The following WWOX variants were observed in gnomAD, a reference collection of about 807,000 sequenced individuals.
WWOX encodes WW domain containing oxidoreductase.
A neutral mutation model predicts 46.2 loss-of-function variants in WWOX; 69 were observed. The ratio of observed to expected loss-of-function variants is 1.49; its 90% confidence interval spans 1.23 to 1.82. The LOEUF (loss-of-function observed/expected upper bound fraction) is 1.82, where lower values mean the gene tolerates loss of function less well. WWOX is among the 40% of genes most tolerant of loss of function. The pLI is 0.00. For missense variants in WWOX, 919 were observed against 542.6 expected, an observed-to-expected ratio of 1.69 and a Z score of -6.89; for synonymous variants, 359 against 202.6, an observed-to-expected ratio of 1.77 and a Z score of -6.56.
At chr16:78,659,957 CAA>C (rs1033965239) in intron 8 of WWOX, among the ~76,000 whole-genome samples, 3 of 151,622 alleles carry the variant, frequency 2.0e-5, no homozygotes, top group African/African-American at 7.3e-5. Context: ...TTAGTGCATG[CAA>C]AAAAAAGCCC....
At chr16:79,053,995 A>G (rs538081722) in intron 8 of WWOX, among the ~76,000 whole-genome samples, 22 of 40,182 alleles carry the variant, frequency 5.5e-4, no homozygotes, top group African/African-American at 1.3e-3. Flanking sequence ...GGAGAGAGGG[A>G]AAAAAAAAAT....
At chr16:78,438,026 C>G (rs937746949) in intron 8 of WWOX, among the ~76,000 whole-genome samples, 1 of 152,092 alleles carries the variant, frequency 6.6e-6, no homozygotes, top group Admixed American at 6.6e-5. Context: ...ATCTGGTGCA[C>G]ATAAGGGATT....
At chr16:78,598,111 T>C (rs988117026) in intron 8 of WWOX, among the ~76,000 whole-genome samples, 2 of 152,196 alleles carry the variant, frequency 1.3e-5, no homozygotes, top group Non-Finnish European at 2.9e-5. Flanking sequence ...CAAAGACCAA[T>C]GTTTAGGGAA....
intron 5 of WWOX, among the ~76,000 whole-genome samples, chr16:78,175,085 G>A (rs1356713022): frequency 6.6e-6 from 1 of 151,900 alleles, no homozygotes; most frequent in African/African-American, 2.4e-5. Flanking sequence ...GGAGCAGGGG[G>A]CCCCTTCCAT....
rs117819767 is a variant in WWOX, at chr16:78,203,290, G to A, written c.516+39001G>A. On this transcript the variant is annotated intron_variant, in intron 5 of 8. Transcript: ENST00000566780. ...ATGGTTTGGGGGGCCCCAAGTAGAT[G>A]ACTGGGGAAGATGACTGGGAAACTG... Among the ~76,000 whole-genome samples the A allele has an allele frequency of 5.8e-3, 883 of 152,236 alleles. 24 individuals carry two copies. Among genetic ancestry groups the A allele is most frequent in the Admixed American group, 0.043 (659 of 15,302 alleles).
rs201516554 is a variant in WWOX, at chr16:78,659,091, CA to C, written c.1056+226348del. ...TGGGCAATAGAGTGAGAATCCGTCTCAAAAAAAAACAAACAAACAAACAAAA... is the reference window on the plus strand; with the variant it reads ...TGGGCAATAGAGTGAGAATCCGTCTCAAAAAAAACAAACAAACAAACAAAA... On this transcript the variant is annotated intron_variant, in intron 8 of 8. Transcript: ENST00000566780. 4.3e-5 allele frequency among the ~76,000 whole-genome samples: 6 copies of C among 138,866 alleles called. No homozygotes were observed. In the Admixed American group the frequency reaches 4.4e-4, roughly 10 times the overall value. 91.1% of individuals were successfully genotyped at this position (138,866 alleles called of 152,430 possible).
chr16:78,944,487 G>T (rs139506189), intron 8 of WWOX, among the ~76,000 whole-genome samples: 1 of 152,188 alleles, frequency 6.6e-6, no homozygotes, highest in South Asian at 2.1e-4. Flanking sequence ...GACAAAAACT[G>T]GTCCTCAAGA....
chr16:78,879,361 G>A (rs1281334820), intron 8 of WWOX, among the ~76,000 whole-genome samples: 1 of 152,178 alleles, frequency 6.6e-6, no homozygotes, highest in Non-Finnish European at 1.5e-5. Context: ...GATGGTGTTT[G>A]CTGTTGTTTC....
intron 8 of WWOX, among the ~76,000 whole-genome samples, chr16:78,922,884 C>T (rs1372849292): frequency 6.6e-6 from 1 of 152,090 alleles, no homozygotes; most frequent in East Asian, 1.9e-4. Flanking sequence ...ATTAATCATA[C>T]TAAAAATAAG....
At chr16:78,614,143 A>C (rs923676996) in intron 8 of WWOX, among the ~76,000 whole-genome samples, 11 of 152,234 alleles carry the variant, frequency 7.2e-5, no homozygotes, top group Admixed American at 3.9e-4. Flanking sequence ...AGAATGAATG[A>C]ATATTCACAC....
intron 8 of WWOX, among the ~76,000 whole-genome samples, chr16:79,005,643 C>G (rs554071633): frequency 2.9e-4 from 44 of 152,268 alleles, no homozygotes; most frequent in African/African-American, 1.1e-3. Context: ...TCTTCCTTGT[C>G]CATGTCTCTC....
At chr16:79,075,709 C>T (rs2048643136) in intron 8 of WWOX, among the ~76,000 whole-genome samples, 1 of 152,180 alleles carries the variant, frequency 6.6e-6, no homozygotes, top group African/African-American at 2.4e-5. Flanking sequence ...TACATCACCA[C>T]ACCTGGCTAC....
chr16:78,830,682 G>A (rs1014020245), intron 8 of WWOX, among the ~76,000 whole-genome samples: 1 of 151,840 alleles, frequency 6.6e-6, no homozygotes, highest in African/African-American at 2.4e-5. Flanking sequence ...GGGGCTGACA[G>A]GTACGGCCGT....
At chr16:78,152,416 G>A (rs1261108332) in intron 4 of WWOX, among the ~76,000 whole-genome samples, 1 of 152,134 alleles carries the variant, frequency 6.6e-6, no homozygotes, top group Non-Finnish European at 1.5e-5. Flanking sequence ...TAAATTTCTG[G>A]TTGTGGCTGG....
Position 78,659,615 on chromosome 16 carries a change from A to G in WWOX, c.1056+226863A>G, listed in dbSNP as rs115977757. Among the ~76,000 whole-genome samples, 1,078 of 152,256 alleles carry G rather than the reference A, an allele frequency of 7.1e-3. 11 individuals carry two copies. The highest frequency in any genetic ancestry group is 0.025 in the African/African-American group (1,036 of 41,554). ...CCAAAGTGCACTTGCTTTGCAAAGC[A>G]CTGTACTACTCATCTCTGCCTCCAT... On this transcript the variant is annotated intron_variant, in intron 8 of 8. Transcript: ENST00000566780.
chr16:78,503,743 C>T (rs998505362), intron 8 of WWOX: 2 of 152,174 alleles, frequency 1.3e-5, no homozygotes, highest in African/African-American at 4.8e-5. Context: ...TATCAGTTTA[C>T]CCAGAAACTA....
intron 8 of WWOX, among the ~76,000 whole-genome samples, chr16:78,672,945 G>A (rs2047502685): frequency 6.6e-6 from 1 of 152,210 alleles, no homozygotes; most frequent in Non-Finnish European, 1.5e-5. Context: ...GTGACCTTGT[G>A]CAATCCATAA....
intron 5 of WWOX, among the ~76,000 whole-genome samples, chr16:78,263,928 A>C (rs1203001829): frequency 6.7e-6 from 1 of 148,630 alleles, no homozygotes; most frequent in Non-Finnish European, 1.5e-5. Context: ...CTTTAAAAAT[A>C]CAGCCTGCTT....
chr16:78,905,962 GAGA>G (rs2151248268), intron 8 of WWOX, among the ~76,000 whole-genome samples: 1 of 152,286 alleles, frequency 6.6e-6, no homozygotes, highest in South Asian at 2.1e-4. Flanking sequence ...AGCTAAAAGG[GAGA>G]AGTAGCTGCA....
Sources: allele counts gnomAD v4.1 joint callset (sites outside exome capture counted in the v4.1 genomes callset), GRCh38; gene constraint gnomAD v4.1.1; transcripts MANE v1.5; gene names NCBI Gene and HGNC (gene_info 2026-07-23, HGNC 2026-07-21).